ANKDD1A: variants seen among roughly 807,000 people sequenced by gnomAD.
ANKDD1A encodes the protein ankyrin repeat and death domain-containing protein 1A.
A neutral mutation model predicts 63.5 loss-of-function variants in ANKDD1A; 59 were observed. The ratio of observed to expected loss-of-function variants is 0.93; its 90% CI spans 0.75 to 1.15. The LOEUF is 1.15. Among genes scored for constraint, ANKDD1A ranks in the 50% most tolerant of loss-of-function variants. ANKDD1A has a pLI of 0.00. For missense variants in ANKDD1A, 632 were observed against 656.4 expected (o/e 0.96, Z 0.41); for synonymous variants, 266 against 263.9 (o/e 1.01, Z -0.08).
chr15:64,922,679 T>C (rs2085016165), intron 4 of ANKDD1A, among the ~76,000 whole-genome samples: 1 of 152,216 alleles, frequency 6.6e-6, no homozygotes. Context: ...TCTTGCTGTG[T>C]CACCCAGGCT....
chr15:64,950,447 A>G, intron 14 of ANKDD1A: 1 of 985,408 alleles, frequency 1.0e-6, no homozygotes, highest in Non-Finnish European at 1.2e-6. Flanking sequence ...CTGATATGGG[A>G]TTCAGTGTTC....
intron 5 of ANKDD1A, among the ~76,000 whole-genome samples, chr15:64,926,374 A>G (rs1259366667): frequency 1.3e-5 from 2 of 152,152 alleles, no homozygotes; most frequent in African/African-American, 4.8e-5. Flanking sequence ...GTTGCCACAG[A>G]GAGGTCTTGA....
At position 64,936,859 on chromosome 15, in the gene ANKDD1A, A is replaced by T. The variant is rs191309241; in HGVS notation, c.867+2625A>T. Among the ~76,000 whole-genome samples the T allele has an allele frequency of 8.9e-3, 1,353 of 152,254 alleles. 15 individuals carry two copies. Among genetic ancestry groups the T allele is most frequent in the African/African-American group, 0.03 (1,234 of 41,528 alleles). ...ACCTTATCTCTAAAAAAAATTTTTT[A>T]AAAATTCCCACAAATCATTACAAAG... On this transcript the variant is annotated intron_variant, in intron 9 of 14. Transcript: ENST00000319580.
Position 64,958,438 on chromosome 15 carries a change from G to GCTAT in ANKDD1A, c.*1253_*1256dup, listed in dbSNP as rs2085440127. The GCTAT allele has an allele frequency of 6.6e-6, 1 of 152,238 alleles. No homozygotes were observed. Among genetic ancestry groups the GCTAT allele is most frequent in the South Asian group, 2.1e-4 (1 of 4,822 alleles). The allele number at this position is 152,238 out of a possible 1,614,324, so 9.4% of individuals were successfully genotyped here. ...TGAAGAGTACGTGGGAGCTCTCTGT[G>GCTAT]CTATCTGCTCAATTTTTCTCTAAAC... On this transcript the variant is annotated 3_prime_UTR_variant, in exon 15 of 15. Transcript: ENST00000319580.
intron 14 of ANKDD1A, among the ~76,000 whole-genome samples, chr15:64,953,283 TCTTC>T (rs1409486278): frequency 6.7e-6 from 1 of 150,154 alleles, no homozygotes; most frequent in African/African-American, 2.5e-5. Context: ...CTTCTTTCCT[TCTTC>T]CTTCTTTCTT....
In ANKDD1A at chr15:64,942,059, AAT is replaced by A. The variant is rs573612810; in HGVS notation, c.868-406_868-405del. ...TTTCTGTTTGTAAGATGAAGATACT[AAT>A]AAGAACACCATCCCTATATACTTCC... On this transcript the variant is annotated intron_variant, in intron 9 of 14. Coordinates refer to ENST00000319580, the MANE Select transcript of ANKDD1A (RefSeq NM_182703.6). 1.1e-4 allele frequency among the ~76,000 whole-genome samples: 17 copies of A among 152,248 alleles called. No homozygotes were observed. In the South Asian group the frequency reaches 3.5e-3, roughly 32 times the overall value.
At position 64,930,815 on chromosome 15, in the gene ANKDD1A, C is replaced by T; in HGVS notation, c.571-7C>T. On this transcript the variant is annotated splice_region_variant and splice_polypyrimidine_tract_variant and intron_variant, in intron 6 of 14. Transcript: ENST00000319580. Reference sequence around the variant, plus strand: ...TGCTGGCCTCTCAGGAGCCCTTTTTCCTGCAGGAGGGGAACACTGCCCTTC... The same window carrying T: ...TGCTGGCCTCTCAGGAGCCCTTTTTTCTGCAGGAGGGGAACACTGCCCTTC... 6.2e-7 allele frequency: 1 copy of T among 1,610,294 alleles called. No individual in the cohort carries two copies. The highest frequency in any genetic ancestry group is 8.5e-7 in the Non-Finnish European group (1 of 1,179,226).
rs373775626 is a variant in ANKDD1A at position 64,915,884 on chromosome 15, C to G, written c.122C>G (p.Thr41Ser). ...MQELIGRRVNTRARNHVGRVA... is the reference protein window; with the variant it reads ...MQELIGRRVNSRARNHVGRVA... ...GAGCTGATTGGGAGGAGGGTTAACA[C>G]CAGGGCCAGAAACCACGTGCGTAAT... The change falls in exon 2 of 15, where the codon ACC becomes AGC. Residue 41 changes from threonine to serine, a missense_variant. By Grantham distance (58) the Thr-to-Ser change is moderately conservative. Transcript: ENST00000319580. The G allele has an allele frequency of 1.2e-6, 2 of 1,613,762 alleles. No homozygotes were observed. Among genetic ancestry groups the G allele is most frequent in the Admixed American group, 1.7e-5 (1 of 59,970 alleles).
chr15:64,950,123 C>G, intron 14 of ANKDD1A, 151 bp downstream of exon 14: 1 of 1,449,990 alleles, frequency 6.9e-7, no homozygotes, highest in Non-Finnish European at 9.1e-7. Flanking sequence ...CCTCTTTTCC[C>G]TTGGGCAAAC....
chr15:64,918,696 G>A (rs1318416969), intron 3 of ANKDD1A, among the ~76,000 whole-genome samples: 2 of 152,178 alleles, frequency 1.3e-5, no homozygotes, highest in African/African-American at 4.8e-5. Flanking sequence ...GCTCACACCA[G>A]TAATCCCAGC....
At chr15:64,912,786 A>C (rs1010313274) in intron 1 of ANKDD1A, among the ~76,000 whole-genome samples, 1 of 152,240 alleles carries the variant, frequency 6.6e-6, no homozygotes, top group African/African-American at 2.4e-5. Context: ...ATAGTGTCCA[A>C]AATGCTGGCA....
At chr15:64,954,785 CCTTCTCCTTAGTTG>C (rs2085398177) in intron 14 of ANKDD1A, among the ~76,000 whole-genome samples, 7 of 144,516 alleles carry the variant, frequency 4.8e-5, no homozygotes, top group African/African-American at 1.8e-4. Flanking sequence ...TCTCCTTCTT[CCTTCTCCTTAGTTG>C]TTCTTCTTCC....
At chr15:64,953,274 T>C (rs1457618780) in intron 14 of ANKDD1A, among the ~76,000 whole-genome samples, 4 of 150,292 alleles carry the variant, frequency 2.7e-5, no homozygotes, top group African/African-American at 9.8e-5. Context: ...GTTCTTCCTC[T>C]TCTTTCCTTC....
intron 14 of ANKDD1A, chr15:64,951,250 C>T: frequency 1.0e-6 from 1 of 980,188 alleles, no homozygotes; most frequent in Non-Finnish European, 1.2e-6. Context: ...TCCTTTTGAG[C>T]TCTTGGCACA....
chr15:64,923,012 A>C (rs2140367611), intron 4 of ANKDD1A, among the ~76,000 whole-genome samples: 1 of 152,316 alleles, frequency 6.6e-6, no homozygotes, highest in African/African-American at 2.4e-5. Context: ...AAGGAAACAC[A>C]TATGTTACTA....
chr15:64,952,308 GTTCT>G (rs900671035), intron 14 of ANKDD1A, among the ~76,000 whole-genome samples: 7 of 98,364 alleles, frequency 7.1e-5, no homozygotes, highest in African/African-American at 1.6e-4. Flanking sequence ...CTCCTCCTTC[GTTCT>G]TTTTCTTTCT....
At chr15:64,931,960 C>T (rs1266800929) in intron 8 of ANKDD1A, 1 of 309,354 alleles carries the variant, frequency 3.2e-6, no homozygotes, top group African/African-American at 2.1e-5. Flanking sequence ...ATGGTGCGAT[C>T]TTGGCTCACT....
chr15:64,954,644 TTCTTCTTC>T (rs2085393041), intron 14 of ANKDD1A, among the ~76,000 whole-genome samples: 2 of 73,354 alleles, frequency 2.7e-5, no homozygotes, highest in Non-Finnish European at 8.3e-5. Flanking sequence ...TTCTTCTTCC[TTCTTCTTC>T]TCCTTCTTTC....
chr15:64,952,634 T>TTCTTCTCC (rs2085315071), intron 14 of ANKDD1A, among the ~76,000 whole-genome samples: 5 of 111,278 alleles, frequency 4.5e-5, no homozygotes, highest in East Asian at 2.8e-4. Context: ...TCGTCTTTTC[T>TTCTTCTCC]TTCTTCTTCT....
Sources: gnomAD v4.1 joint callset for allele counts (sites outside exome capture counted in the v4.1 genomes callset) on GRCh38, gnomAD v4.1.1 for gene constraint, MANE v1.5 for transcripts, NCBI Gene and HGNC (gene_info 2026-07-23, HGNC 2026-07-21) for gene names.